The following TICRR variants were observed in gnomAD, a reference collection of about 807,000 sequenced individuals.
TICRR encodes treslin.
In TICRR, 132 loss-of-function variants were observed where a neutral mutation model predicts 178.1. The ratio of observed to expected loss-of-function variants is 0.74; its 90% confidence interval spans 0.64 to 0.86. TICRR has a LOEUF of 0.86. Ranked by LOEUF, TICRR falls within the 40% of genes least tolerant of loss-of-function variation. The pLI is 0.00. For missense variants in TICRR, 2,587 were observed against 2,334.3 expected, an observed-to-expected ratio of 1.11 and a Z score of -2.23; for synonymous variants, 991 against 900.7, an observed-to-expected ratio of 1.10 and a Z score of -1.79.
chr15:89,578,231 T>G (rs936043164), intron 1 of TICRR, among the ~76,000 whole-genome samples: 1 of 152,176 alleles, frequency 6.6e-6, no homozygotes, highest in Non-Finnish European at 1.5e-5. Flanking sequence ...TGGAAATACA[T>G]GTCACTAACC....
In TICRR at chr15:89,608,875, G is replaced by A. The variant is rs747154897; in HGVS notation, c.2795G>A (p.Gly932Glu). The part of the protein sequence containing the change: ...LSPSKRSLKR[G>E]LPRSHSVSAV... ...CCTTCAAAGAGATCACTAAAGCGGG[G>A]GTTGCCTAGAAGCCATTCTGTGTCA... Residue 932 changes from glycine to glutamate, a missense_variant, in exon 15 of 22, where the codon GGG becomes GAG. Coordinates refer to ENST00000268138, the MANE Select transcript of TICRR (RefSeq NM_152259.4). 2 of 1,611,044 alleles carry A rather than the reference G, an allele frequency of 1.2e-6. No individual in the cohort carries two copies. Among genetic ancestry groups the A allele is most frequent in the East Asian group, 2.2e-5 (1 of 44,648 alleles).
At chr15:89,621,625 C>T (rs1963427204) in intron 19 of TICRR, 75 bp downstream of exon 19, 1 of 1,303,432 alleles carries the variant, frequency 7.7e-7, no homozygotes, top group South Asian at 1.5e-5. Flanking sequence ...ACTCAGAGTC[C>T]ATTAGGGAAG....
At chr15:89,622,061 A>G (rs1963435976) in intron 19 of TICRR, among the ~76,000 whole-genome samples, 1 of 136,818 alleles carries the variant, frequency 7.3e-6, no homozygotes, top group African/African-American at 2.8e-5. Context: ...ATCTCAGCTC[A>G]CTGCAACCTC....
intron 16 of TICRR, among the ~76,000 whole-genome samples, chr15:89,617,116 T>C (rs1198755335): frequency 6.6e-6 from 1 of 152,184 alleles, no homozygotes; most frequent in African/African-American, 2.4e-5. Context: ...CAGGCTGCCT[T>C]CTTCTCTCTG....
In TICRR at chr15:89,624,562, A is replaced by C. The variant is rs1329382245; in HGVS notation, c.4252A>C (p.Thr1418Pro). 6.2e-7 allele frequency: 1 copy of C among 1,613,740 alleles called. No homozygotes were observed. The highest frequency in any genetic ancestry group is 8.5e-7 in the Non-Finnish European group (1 of 1,179,834). ...CACAGCTGACAGCCCAGCTGCCCCC[A>C]CAGACTCTAGAGATGACCAGAAGGG... The part of the protein sequence containing the change: ...VGTADSPAAP[T>P]DSRDDQKGLS... The change falls in exon 20 of 22, where the codon ACA becomes CCA. Residue 1418 changes from threonine (T) to proline (P), a missense_variant. By Grantham distance (38) the Thr-to-Pro change is conservative. Transcript: ENST00000268138.
At chr15:89,597,613 A>T (rs77791922) in intron 7 of TICRR, among the ~76,000 whole-genome samples, 2,708 of 152,072 alleles carry the variant, frequency 0.018, 76 homozygotes, top group African/African-American at 0.058. Context: ...TCTTTTGCTA[A>T]TATCACACAA....
chr15:89,588,583 T>C (rs1411348401), intron 4 of TICRR, among the ~76,000 whole-genome samples: 1 of 151,872 alleles, frequency 6.6e-6, no homozygotes, highest in African/African-American at 2.4e-5. Context: ...AGGAGAGAGC[T>C]AAAAAATAGG....
At chr15:89,602,457 T>A (rs1383392072) in intron 12 of TICRR, among the ~76,000 whole-genome samples, 1 of 152,206 alleles carries the variant, frequency 6.6e-6, no homozygotes, top group African/African-American at 2.4e-5. Flanking sequence ...CAGTTCGTCA[T>A]TGAAGGAAAC....
rs1963393021 is a variant in TICRR, at chr15:89,619,712, A to C, written c.3024A>C (p.Ile1008=). ...ACTGTGGTTCTGATTTTACAGAAATAAGTCTGAGACGAAGTCCTCGAATCA... is the reference window on the plus strand; with the variant it reads ...ACTGTGGTTCTGATTTTACAGAAATCAGTCTGAGACGAAGTCCTCGAATCA... ...VEESPEKGDE[I]SLRRSPRIKQ... Residue 1008 remains isoleucine (I), a synonymous_variant, in exon 18 of 22, where the codon ATA becomes ATC. Transcript: ENST00000268138. 2.5e-6 allele frequency: 4 copies of C among 1,607,172 alleles called. No homozygotes were observed. The East Asian group carries it at 8.9e-5, about 36-fold the overall frequency.
rs778247273 is a variant in TICRR at position 89,608,947 on chromosome 15, A to G, written c.2867A>G (p.Lys956Arg). Reference protein sequence around the residue: ...EDKLDNFKKNKGYHKLLTKSV... With the variant: ...EDKLDNFKKNRGYHKLLTKSV... The stretch of plus-strand genomic sequence containing the variant: ...AAACTTGACAACTTCAAGAAGAACA[A>G]AGGTACCACATTTCAGAATAGCTAG... The change falls in exon 15 of 22, where the codon AAA becomes AGA. Residue 956 changes from lysine (K) to arginine (R), a missense_variant and splice_region_variant. Lys to Arg is a conservative substitution (Grantham distance 26). Coordinates refer to ENST00000268138, the MANE Select transcript of TICRR (RefSeq NM_152259.4). 5.7e-6 allele frequency: 9 copies of G among 1,590,332 alleles called. No homozygotes were observed. The highest frequency in any genetic ancestry group is 7.7e-6 in the Non-Finnish European group (9 of 1,172,882).
Position 89,624,299 on chromosome 15 carries a change from T to C in TICRR, c.3989T>C (p.Ile1330Thr). The change falls in exon 20 of 22, where the codon ATA becomes ACA. Residue 1330 changes from isoleucine (I) to threonine (T), a missense_variant. Ile to Thr is a moderately conservative substitution (Grantham distance 89, BLOSUM62 -1). Coordinates refer to ENST00000268138, the MANE Select transcript of TICRR (RefSeq NM_152259.4). The stretch of plus-strand genomic sequence containing the variant: ...AAGAGTCCATTTAGGAAATCTAAAA[T>C]AGAGTGTCCTTCCCCAGGAGAACTG... Reference protein sequence around the residue: ...SKKSPFRKSKIECPSPGELDQ... With the variant: ...SKKSPFRKSKTECPSPGELDQ... 6.2e-7 allele frequency: 1 copy of C among 1,614,200 alleles called. No homozygotes were observed. Among genetic ancestry groups the C allele is most frequent in the Middle Eastern group, 1.6e-4 (1 of 6,062 alleles).
intron 18 of TICRR, 149 bp from the exon 19 acceptor site, chr15:89,621,244 C>T: frequency 1.5e-6 from 1 of 647,670 alleles, no homozygotes; most frequent in Non-Finnish European, 2.5e-6. Context: ...TGGTCTCGAA[C>T]TCCTGACCTC....
Position 89,592,054 on chromosome 15 carries a change from T to A in TICRR, c.1419T>A (p.Pro473=). 1.2e-6 allele frequency: 2 copies of A among 1,609,336 alleles called. No homozygotes were observed. The highest frequency in any genetic ancestry group is 2.2e-5 in the South Asian group (2 of 90,806). Reference sequence around the variant, plus strand: ...GCTCCTTTGCTCCAATAGCTTCTCCTGTTCCAGAGTGGGCCCAGCAGGAGC... The same window carrying A: ...GCTCCTTTGCTCCAATAGCTTCTCCAGTTCCAGAGTGGGCCCAGCAGGAGC... The part of the protein sequence containing the change: ...SLADTASAAS[P]VPEWAQQELG... The change falls in exon 5 of 22, where the codon CCT becomes CCA. Residue 473 remains proline, a synonymous_variant. Transcript: ENST00000268138.
chr15:89,601,281 T>C lies in TICRR; in HGVS notation c.2154-17T>C. 6.2e-7 allele frequency: 1 copy of C among 1,611,926 alleles called. No individual in the cohort carries two copies. Among genetic ancestry groups the C allele is most frequent in the Non-Finnish European group, 8.5e-7 (1 of 1,178,118 alleles). Reference sequence around the variant, plus strand: ...GACATCCAAAGTAGATATGACCAAGTATTTTTTTCTCTCAAGGTGCCAGCT... The same window carrying C: ...GACATCCAAAGTAGATATGACCAAGCATTTTTTTCTCTCAAGGTGCCAGCT... On this transcript the variant is annotated splice_polypyrimidine_tract_variant and intron_variant, in intron 9 of 21. Transcript: ENST00000268138.
chr15:89,579,529 A>G (rs1416567542), intron 1 of TICRR, among the ~76,000 whole-genome samples: 1 of 152,050 alleles, frequency 6.6e-6, no homozygotes, highest in East Asian at 1.9e-4. Flanking sequence ...TATTTTTAGT[A>G]GAGACAGGGT....
chr15:89,580,774 C>A (rs895702673), intron 1 of TICRR, among the ~76,000 whole-genome samples: 6 of 152,176 alleles, frequency 3.9e-5, no homozygotes, highest in Non-Finnish European at 5.9e-5. Flanking sequence ...TGGCTTATAC[C>A]TGTAACCCCA....
chr15:89,591,887 C>A, intron 4 of TICRR, 160 bp from the exon 5 acceptor site: 1 of 518,670 alleles, frequency 1.9e-6, no homozygotes, highest in Non-Finnish European at 3.4e-6. Context: ...ACCACATAGG[C>A]CTGTAGCAGT....
intron 13 of TICRR, among the ~76,000 whole-genome samples, chr15:89,604,735 C>A (rs148487092): frequency 6.9e-6 from 1 of 145,222 alleles, no homozygotes; most frequent in African/African-American, 2.6e-5. Context: ...GAAGCCACTG[C>A]ACTCCAGCCT....
intron 13 of TICRR, among the ~76,000 whole-genome samples, chr15:89,605,648 G>A (rs1041022819): frequency 3.9e-5 from 6 of 152,216 alleles, no homozygotes; most frequent in Non-Finnish European, 7.3e-5. Flanking sequence ...GTGAGCCTCT[G>A]CGCCCAGCCG....
Sources: gnomAD v4.1 joint callset for allele counts (sites outside exome capture counted in the v4.1 genomes callset) on GRCh38, gnomAD v4.1.1 for gene constraint, MANE v1.5 for transcripts, NCBI Gene and HGNC (gene_info 2026-07-23, HGNC 2026-07-21) for gene names.